The following TPPP2 variants were observed in gnomAD, a reference collection of about 807,000 sequenced individuals.
The protein encoded by TPPP2 is tubulin polymerization promoting protein family member 2.
Under a neutral mutation model 13.0 loss-of-function variants are expected in TPPP2, and 8 were observed. The ratio of observed to expected loss-of-function variants is 0.62; its 90% CI spans 0.36 to 1.11. The LOEUF (loss-of-function observed/expected upper bound fraction) is 1.11. TPPP2 is among the 50% of genes most tolerant of loss of function. The probability of loss-of-function intolerance (pLI) is 0.02; values close to 1 mark genes in which losing one functional copy is unlikely to be tolerated. For synonymous variants in TPPP2, 81 were observed against 81.8 expected, an observed-to-expected ratio of 0.99 and a Z score of 0.05; for missense variants, 213 against 216.9, an observed-to-expected ratio of 0.98 and a Z score of 0.11.
upstream of TPPP2, chr14:21,025,318 C>A (rs1448424754): frequency 2.1e-6 from 2 of 967,888 alleles, no homozygotes; most frequent in Non-Finnish European, 2.5e-6. This position sits in a 1 kb window ranked among gnomAD's most constrained non-coding sequence, Gnocchi z 5.1. Context: ...CGCATTGGGG[C>A]GGTGTGGGGA....
chr14:21,026,017 C>G (rs1287445543), upstream of TPPP2, among the ~76,000 whole-genome samples: 1 of 152,128 alleles, frequency 6.6e-6, no homozygotes, highest in Non-Finnish European at 1.5e-5. Flanking sequence ...CTAACCCCTC[C>G]CAGTCCGGCC....
rs202091704 is a variant in TPPP2 at position 21,031,021 on chromosome 14, C to A, written c.183C>A (p.Asn61Lys). 4.4e-6 allele frequency: 7 copies of A among 1,608,264 alleles called. No homozygotes were observed. Among genetic ancestry groups the A allele is most frequent in the Non-Finnish European group, 5.9e-6 (7 of 1,177,546 alleles). ...CTGTCTAACTGACCAGGGCCAAGAA[C>A]GCCCGAACCATCACGTTTCAACAGT... ...DIVFSKVKAKNARTITFQQFK... is the reference protein window; with the variant it reads ...DIVFSKVKAKKARTITFQQFK... The change falls in exon 3 of 4, where the codon AAC becomes AAA. Residue 61 changes from asparagine (N) to lysine (K), a missense_variant. Asn to Lys is a moderately conservative substitution (Grantham distance 94, BLOSUM62 0). Coordinates refer to ENST00000321760, the MANE Select transcript of TPPP2 (RefSeq NM_173846.5).
At chr14:21,026,085 G>A (rs1465520633), upstream of TPPP2, among the ~76,000 whole-genome samples, 2 of 151,712 alleles carry the variant, frequency 1.3e-5, no homozygotes, top group Non-Finnish European at 2.9e-5. Context: ...ATGGTCTCAG[G>A]GTCTGCCGCG....
At chr14:21,033,612 G>C (rs1884398466), downstream of TPPP2, 2 of 597,528 alleles carry the variant, frequency 3.3e-6, no homozygotes, top group East Asian at 2.8e-5. Context: ...GGGCGAAGAG[G>C]GGGTAAACAA....
At chr14:21,026,147 C>T (rs1425100380), upstream of TPPP2, among the ~76,000 whole-genome samples, 5 of 151,458 alleles carry the variant, frequency 3.3e-5, no homozygotes, top group East Asian at 9.6e-4. Flanking sequence ...CACACACACG[C>T]ACACGCACAC....
At chr14:21,029,268 G>A (rs1883899961), upstream of TPPP2, 1 of 152,210 alleles carries the variant, frequency 6.6e-6, no homozygotes, top group Admixed American at 6.5e-5. Context: ...AACTGCTGTG[G>A]TCTGAATGTT....
chr14:21,032,941 A>T, downstream of TPPP2: 1 of 456,030 alleles, frequency 2.2e-6, no homozygotes, highest in South Asian at 1.5e-5. Context: ...TTACATACTC[A>T]GATGTGGTTT....
Position 21,030,729 on chromosome 14 carries a change from G to A in TPPP2, c.148G>A (p.Val50Met), listed in dbSNP as rs149482997. The A allele has an allele frequency of 5.7e-5, 92 of 1,614,132 alleles. 1 individual carries two copies. Among genetic ancestry groups the A allele is most frequent in the South Asian group, 6.6e-5 (6 of 91,074 alleles). ...TGGCAAGACAGTCACCTCCACGGACGTGGACATCGTGTTCAGCAAAGTCAA... is the reference window on the plus strand; with the variant it reads ...TGGCAAGACAGTCACCTCCACGGACATGGACATCGTGTTCAGCAAAGTCAA... ...MDGKTVTSTD[V>M]DIVFSKVKAK... Residue 50 changes from valine to methionine, a missense_variant, in exon 2 of 4, where the codon GTG becomes ATG. Val to Met is a conservative substitution (Grantham distance 21, BLOSUM62 1). Coordinates refer to ENST00000321760, the MANE Select transcript of TPPP2 (RefSeq NM_173846.5).
At chr14:21,024,922 C>G (rs1442614505) in intron 1 of TPPP2, 2 of 985,668 alleles carry the variant, frequency 2.0e-6, no homozygotes, top group Non-Finnish European at 1.2e-6. Context: ...CGTGCTGGCC[C>G]TTTCCCCCGA....
Position 21,030,586 on chromosome 14 carries a change from C to A in TPPP2, c.5C>A (p.Ala2Glu). 6.2e-7 allele frequency: 1 copy of A among 1,613,454 alleles called. No individual in the cohort carries two copies. The highest frequency in any genetic ancestry group is 8.5e-7 in the Non-Finnish European group (1 of 1,179,764). Residue 2 changes from alanine (A) to glutamate (E), a missense_variant, in exon 2 of 4, where the codon GCA becomes GAA. Ala to Glu is a moderately radical substitution (Grantham distance 107). Coordinates refer to ENST00000321760, the MANE Select transcript of TPPP2 (RefSeq NM_173846.5). ...CTCCCCGACCTCTAGCTGACCATGG[C>A]ATCAGAGGCAGAAAAAACATTCCAT... M[A>E]SEAEKTFHRF...
chr14:21,026,948 G>A (rs997642483), upstream of TPPP2, among the ~76,000 whole-genome samples: 4 of 151,900 alleles, frequency 2.6e-5, no homozygotes, highest in Non-Finnish European at 5.9e-5. Context: ...AGAGCCTCGA[G>A]TGAGAACTTT....
At chr14:21,029,128 G>A (rs1268343168), upstream of TPPP2, 1 of 152,172 alleles carries the variant, frequency 6.6e-6, no homozygotes, top group Admixed American at 6.5e-5. Flanking sequence ...GGCTTGCTGG[G>A]CCCAACACTG....
At chr14:21,033,424 G>T (rs980261923), downstream of TPPP2, 1 of 291,864 alleles carries the variant, frequency 3.4e-6, no homozygotes, top group South Asian at 3.8e-5. Flanking sequence ...GGCTGGTGGG[G>T]ATGGGGAGGT....
downstream of TPPP2, chr14:21,033,259 A>G: frequency 3.1e-6 from 1 of 318,842 alleles, no homozygotes; most frequent in Non-Finnish European, 6.0e-6. Context: ...CCATGATTTC[A>G]CAGAGAGAAG....
chr14:21,032,489 C>T lies in TPPP2; in HGVS notation c.*412C>T. On this transcript the variant is annotated 3_prime_UTR_variant, in exon 4 of 4. Transcript: ENST00000321760. Reference sequence around the variant, plus strand: ...CACGTGATGGACTATGACTATATCACATATTAGATCCTTCCCTGTCCCTCC... The same window carrying T: ...CACGTGATGGACTATGACTATATCATATATTAGATCCTTCCCTGTCCCTCC... 2.7e-6 allele frequency: 1 copy of T among 364,564 alleles called. No homozygotes were observed. Among genetic ancestry groups the T allele is most frequent in the Non-Finnish European group, 5.4e-6 (1 of 185,754 alleles). The allele number at this position is 364,564 out of a possible 1,614,324, so 22.6% of individuals were successfully genotyped here.
At chr14:21,025,435 G>C, upstream of TPPP2, 1 of 985,658 alleles carries the variant, frequency 1.0e-6, no homozygotes, top group Non-Finnish European at 1.2e-6. This position sits in a 1 kb window ranked among gnomAD's most constrained non-coding sequence, Gnocchi z 5.1. Context: ...TTCGCCCCCA[G>C]ACTCAGTGGT....
rs1040091990 is a variant in TPPP2, at chr14:21,025,082, C to T, written n.236+738C>T. 7.1e-6 allele frequency: 7 copies of T among 986,190 alleles called. No homozygotes were observed. In the African/African-American group the frequency reaches 1.0e-4, roughly 15 times the overall value. The allele number at this position is 986,190 out of a possible 1,614,324, so 61.1% of individuals were successfully genotyped here. A position where few individuals can be genotyped will look rare whatever the true frequency, so the allele number is the denominator to read the frequency against. On this transcript the variant is annotated intron_variant and non_coding_transcript_variant, in intron 1 of 1. Coordinates refer to the TPPP2 transcript ENST00000533755. This position sits in a 1 kb window ranked among gnomAD's most constrained non-coding sequence, Gnocchi z 5.1. ...CACTTGCCTTTGACTCGGGCCCGCC[C>T]CGGCTCGGGCTTCCCGCAGACCCGC...
Position 21,032,145 on chromosome 14 carries a change from C to A in TPPP2, c.*68C>A. On this transcript the variant is annotated 3_prime_UTR_variant, in exon 4 of 4. Transcript: ENST00000321760. ...GTTTAACACCAGGGAGCTTGGAAAA[C>A]AATAAACATCTGTGTGTGCAGCAGC... is the stretch of plus-strand genomic sequence containing the variant. The A allele has an allele frequency of 6.6e-7, 1 of 1,506,666 alleles. No homozygotes were observed. 93.3% of individuals were successfully genotyped at this position (1,506,666 alleles called of 1,614,324 possible).
chr14:21,028,241 T>TTTTTG (rs71112541), upstream of TPPP2, among the ~76,000 whole-genome samples: 40,866 of 150,386 alleles, frequency 0.27, 6,279 homozygotes, highest in East Asian at 0.37. Context: ...CTTGGGGTTC[T>TTTTTG]TTTTGTTTTG....
Sources: allele counts gnomAD v4.1 joint callset (sites outside exome capture counted in the v4.1 genomes callset), GRCh38; gene constraint gnomAD v4.1.1; non-coding constraint Gnocchi (gnomAD v3.1); transcripts MANE v1.5; gene names NCBI Gene and HGNC (gene_info 2026-07-23, HGNC 2026-07-21).